DOCK4: variants seen among roughly 807,000 people sequenced by gnomAD.
DOCK4 encodes the protein dedicator of cytokinesis protein 4.
A neutral mutation model predicts 268.1 loss-of-function variants in DOCK4; 97 were observed. The observed-to-expected ratio is 0.36, with a 90% confidence interval of 0.31 to 0.43. The LOEUF (loss-of-function observed/expected upper bound fraction) is 0.43. DOCK4 is among the 20% of genes least tolerant of loss of function. DOCK4 has a pLI of 1.00. For synonymous variants in DOCK4, 954 were observed against 887.2 expected, an observed-to-expected ratio of 1.08 and a Z score of -1.34; for missense variants, 2,145 against 2,455.7, an observed-to-expected ratio of 0.87 and a Z score of 2.67.
chr7:112,122,324 T>C (rs193119711), intron 1 of DOCK4, among the ~76,000 whole-genome samples: 8 of 152,340 alleles, frequency 5.3e-5, no homozygotes, highest in East Asian at 1.9e-4. Context: ...TTAACTCCTC[T>C]TTCCTCTGTC....
chr7:111,913,428 G>A (rs1009930077), intron 13 of DOCK4, among the ~76,000 whole-genome samples: 1 of 72,914 alleles, frequency 1.4e-5, no homozygotes, highest in African/African-American at 5.2e-5. Context: ...TTTTTTTTTT[G>A]AGACAGAGTC....
intron 41 of DOCK4, among the ~76,000 whole-genome samples, chr7:111,757,890 G>GT (rs1432994962): frequency 6.7e-6 from 1 of 148,560 alleles, no homozygotes; most frequent in Admixed American, 6.7e-5. Flanking sequence ...ATACTAACTG[G>GT]GGGGGGTGTC....
chr7:112,138,698 T>G (rs1043489680), intron 1 of DOCK4, among the ~76,000 whole-genome samples: 1 of 152,156 alleles, frequency 6.6e-6, no homozygotes, highest in Non-Finnish European at 1.5e-5. Flanking sequence ...AAAATCCATA[T>G]GTTGACTTCC....
chr7:112,101,493 T>G (rs1586824743), intron 1 of DOCK4, among the ~76,000 whole-genome samples: 1 of 152,180 alleles, frequency 6.6e-6, no homozygotes, highest in Non-Finnish European at 1.5e-5. Flanking sequence ...AGGCTACCAA[T>G]CAGACCTAGA....
intron 12 of DOCK4, among the ~76,000 whole-genome samples, chr7:111,926,366 G>A (rs58282900): frequency 6.9e-6 from 1 of 145,952 alleles, no homozygotes; most frequent in African/African-American, 2.7e-5. Context: ...GGGAGGCGGA[G>A]GTTGCAGTGA....
At chr7:111,935,514 G>C (rs1451847923) in intron 12 of DOCK4, 26 bp downstream of exon 12, 2 of 1,608,056 alleles carry the variant, frequency 1.2e-6, no homozygotes, top group South Asian at 2.2e-5. Context: ...AAAGTGTAGG[G>C]AAAGTCAGCC....
At chr7:111,736,252 T>C (rs925815373) in intron 50 of DOCK4, among the ~76,000 whole-genome samples, 1 of 152,206 alleles carries the variant, frequency 6.6e-6, no homozygotes, top group Non-Finnish European at 1.5e-5. Flanking sequence ...GAACTGCTCT[T>C]ATTTTTGAGG....
intron 1 of DOCK4, among the ~76,000 whole-genome samples, chr7:112,164,843 C>T (rs1195694851): frequency 6.6e-6 from 1 of 152,182 alleles, no homozygotes; most frequent in African/African-American, 2.4e-5. Context: ...CCAGAATATG[C>T]TCCATTTGAG....
At chr7:112,064,134 G>A (rs1448427604) in intron 1 of DOCK4, among the ~76,000 whole-genome samples, 1 of 152,188 alleles carries the variant, frequency 6.6e-6, no homozygotes, top group Admixed American at 6.5e-5. Flanking sequence ...TGGGGTTTTG[G>A]AGTGAGACAT....
At chr7:111,995,074 C>T (rs1799826118) in intron 4 of DOCK4, among the ~76,000 whole-genome samples, 1 of 151,140 alleles carries the variant, frequency 6.6e-6, no homozygotes, top group African/African-American at 2.4e-5. Flanking sequence ...CTCTGTCGCC[C>T]AGGCTGGAGT....
At chr7:111,799,550 C>A (rs1463324155) in intron 30 of DOCK4, among the ~76,000 whole-genome samples, 1 of 152,200 alleles carries the variant, frequency 6.6e-6, no homozygotes, top group Non-Finnish European at 1.5e-5. Context: ...GGATACATCA[C>A]ATTCAAGTCA....
At position 111,901,674 on chromosome 7, in the gene DOCK4, T is replaced by C. The variant is rs766278270; in HGVS notation, c.1317+3A>G. ...GACCTGGAAATATCAAGTATTAACA[T>C]ACCTTCAGGGTTTGGCCACTACTGT... On this transcript the variant is annotated splice_donor_region_variant and intron_variant, in intron 14 of 52. Transcript: ENST00000428084. The C allele has an allele frequency of 5.6e-6, 9 of 1,613,410 alleles. No individual in the cohort carries two copies. Among genetic ancestry groups the C allele is most frequent in the Middle Eastern group, 1.7e-4 (1 of 6,058 alleles).
chr7:111,998,693 C>G (rs1800173364), intron 3 of DOCK4, among the ~76,000 whole-genome samples, 190 bp from the exon 4 acceptor site: 1 of 152,066 alleles, frequency 6.6e-6, no homozygotes, highest in Non-Finnish European at 1.5e-5. Context: ...CTACCATTAA[C>G]TACTTTAAAA....
chr7:112,067,524 G>A (rs1807187684), intron 1 of DOCK4, among the ~76,000 whole-genome samples: 1 of 148,610 alleles, frequency 6.7e-6, no homozygotes, highest in Non-Finnish European at 1.5e-5. Context: ...AGAAGATGAA[G>A]TATTTTACAT....
chr7:111,744,310 T>C (rs1452029352), intron 44 of DOCK4, among the ~76,000 whole-genome samples: 1 of 152,062 alleles, frequency 6.6e-6, no homozygotes, highest in Non-Finnish European at 1.5e-5. Context: ...ACTGGGGTGG[T>C]GCATGTCTCT....
intron 52 of DOCK4, 101 bp downstream of exon 52, chr7:111,732,125 G>T: frequency 8.4e-7 from 1 of 1,184,088 alleles, no homozygotes. Flanking sequence ...TCTTTGCCTG[G>T]TCCCTGCAAA....
chr7:111,917,839 A>G (rs888212079), intron 12 of DOCK4, among the ~76,000 whole-genome samples: 7 of 152,204 alleles, frequency 4.6e-5, no homozygotes, highest in African/African-American at 1.4e-4. Flanking sequence ...TGTGCAAGTC[A>G]TAACTCCCAA....
intron 1 of DOCK4, among the ~76,000 whole-genome samples, chr7:112,183,785 A>G (rs1819255176): frequency 6.6e-6 from 1 of 152,218 alleles, no homozygotes; most frequent in African/African-American, 2.4e-5. Flanking sequence ...GTATTTCGAT[A>G]GTGGTAACAT....
chr7:112,020,323 T>C (rs896487912), intron 1 of DOCK4, among the ~76,000 whole-genome samples: 3 of 152,248 alleles, frequency 2.0e-5, no homozygotes, highest in African/African-American at 7.2e-5. Context: ...CTACTCACTG[T>C]GCATCAATCC....
Sources: allele counts gnomAD v4.1 joint callset (sites outside exome capture counted in the v4.1 genomes callset), GRCh38; gene constraint gnomAD v4.1.1; transcripts MANE v1.5; gene names NCBI Gene and HGNC (gene_info 2026-07-23, HGNC 2026-07-21).